Variants in SEC16B observed in about 807,000 individuals in gnomAD.
SEC16B encodes the protein SEC16 homolog B, endoplasmic reticulum export factor.
A neutral mutation model predicts 141.8 loss-of-function variants in SEC16B; 115 were observed. The ratio of observed to expected loss-of-function variants is 0.81; its 90% CI spans 0.70 to 0.95. SEC16B has a LOEUF of 0.95. Among genes scored for constraint, SEC16B ranks in the 40% least tolerant of loss-of-function variants. The probability of loss-of-function intolerance (pLI) is 0.00; values close to 1 mark genes in which losing one functional copy is unlikely to be tolerated. For synonymous variants in SEC16B, 493 were observed against 492.5 expected (o/e 1.00, Z -0.01); for missense variants, 1,291 against 1,312.3 (o/e 0.98, Z 0.25).
chr1:177,936,319 T>A lies in SEC16B; in HGVS notation c.2550A>T (p.Gln850His), dbSNP rs201035635. The change falls in exon 20 of 26, where the codon CAA becomes CAT. Residue 850 changes from glutamine to histidine, a missense_variant. Physicochemically the swap from Gln to His is conservative, Grantham distance 24 (BLOSUM62 0). Transcript: ENST00000308284. ...SQETSQPPDG[Q>H]EVISKPQTPL... ...TCACCTGTGGTTTGGAAATGACCTC[T>A]TGGCCATCAGGAGGCTGGGAAGTTT... 2 of 1,611,060 alleles carry A rather than the reference T, an allele frequency of 1.2e-6. No homozygotes were observed. The highest frequency in any genetic ancestry group is 1.7e-6 in the Non-Finnish European group (2 of 1,178,772).
At chr1:177,944,059 C>T (rs1380041145) in intron 15 of SEC16B, among the ~76,000 whole-genome samples, 2 of 152,202 alleles carry the variant, frequency 1.3e-5, no homozygotes, top group Non-Finnish European at 2.9e-5. Context: ...ATGGACACCA[C>T]CCACACAGCT....
At chr1:177,959,603 A>C (rs1201526668) in intron 8 of SEC16B, 1 of 158,708 alleles carries the variant, frequency 6.3e-6, no homozygotes, top group Non-Finnish European at 1.4e-5. Context: ...CCATTTGAGG[A>C]ATACATTTAT....
chr1:177,956,460 C>T (rs538760948), intron 10 of SEC16B, among the ~76,000 whole-genome samples: 1 of 151,948 alleles, frequency 6.6e-6, no homozygotes, highest in Non-Finnish European at 1.5e-5. Flanking sequence ...GAGAAAATAA[C>T]AATATATGCA....
Position 177,965,070 on chromosome 1 carries a change from T to C in SEC16B, c.510A>G (p.Gly170=), listed in dbSNP as rs751823606. The change falls in exon 4 of 26, where the codon GGA becomes GGG. Residue 170 remains glycine, a synonymous_variant. Coordinates refer to ENST00000308284, the MANE Select transcript of SEC16B (RefSeq NM_033127.4). ...HHYENQHSPF[G]TNSETHFQSN... is the part of the protein sequence containing the mutation. ...ACTGGAAGTGGGTCTCACTATTTGT[T>C]CCAAATGGACTGTGCTGGTTTTCAT... 5 of 1,613,554 alleles carry C rather than the reference T, an allele frequency of 3.1e-6. No homozygotes were observed. The highest frequency in any genetic ancestry group is 4.2e-6 in the Non-Finnish European group (5 of 1,179,742).
At chr1:177,961,527 G>C (rs569696728) in intron 6 of SEC16B, 63 bp downstream of exon 6, 1 of 1,535,654 alleles carries the variant, frequency 6.5e-7, no homozygotes, top group East Asian at 2.3e-5. Flanking sequence ...CTTTCCCAGA[G>C]ACTTGCCACC....
chr1:177,980,683 T>G (rs1654367994), intron 1 of SEC16B, among the ~76,000 whole-genome samples: 1 of 149,954 alleles, frequency 6.7e-6, no homozygotes, highest in South Asian at 2.1e-4. Context: ...TAATAAGTGC[T>G]GGGAGAGGAT....
At position 177,967,849 on chromosome 1, in the gene SEC16B, T is replaced by C; in HGVS notation, c.133A>G (p.Arg45Gly). The C allele has an allele frequency of 6.2e-7, 1 of 1,613,992 alleles. No individual in the cohort carries two copies. Among genetic ancestry groups the C allele is most frequent in the Admixed American group, 1.7e-5 (1 of 60,028 alleles). Residue 45 changes from arginine (R) to glycine (G), a missense_variant, in exon 2 of 26, where the codon AGG (arginine) becomes GGG (glycine). Physicochemically the swap from Arg to Gly is moderately radical, Grantham distance 125. Around this residue, in one of 3 missense-constraint regions of SEC16B, gnomAD observed 681 missense variants for 675.5 expected, o/e 1.01. Transcript: ENST00000308284. ...PVPHSWHNGE[R>G]FHQWQDNRGS... ...CGGTTGTCTTGCCATTGGTGAAACC[T>C]CTCTCCATTGTGCCAAGAGTGAGGG...
chr1:177,980,084 T>C (rs12049372), intron 1 of SEC16B, among the ~76,000 whole-genome samples: 20,982 of 152,196 alleles, frequency 0.14, 1,795 homozygotes, highest in East Asian at 0.42. Context: ...AGATTCTTTG[T>C]ATGCAACACT....
intron 20 of SEC16B, 69 bp downstream of exon 20, chr1:177,936,229 C>A: frequency 7.5e-7 from 1 of 1,327,546 alleles, no homozygotes; most frequent in Non-Finnish European, 1.1e-6. Flanking sequence ...GGCTGGGAAA[C>A]CAAGGCAACT....
intron 13 of SEC16B, among the ~76,000 whole-genome samples, chr1:177,946,876 A>C (rs1051129979): frequency 1.3e-5 from 2 of 152,342 alleles, no homozygotes; most frequent in South Asian, 2.1e-4. Flanking sequence ...GCAAAGAAGG[A>C]GACTACTGAG....
intron 20 of SEC16B, among the ~76,000 whole-genome samples, chr1:177,935,236 C>T (rs1032811532): frequency 6.6e-6 from 1 of 152,106 alleles, no homozygotes; most frequent in African/African-American, 2.4e-5. Flanking sequence ...TAGACTTGAG[C>T]GCCTGAGGTT....
chr1:177,955,035 C>T (rs1021551103), intron 10 of SEC16B, among the ~76,000 whole-genome samples: 2 of 151,980 alleles, frequency 1.3e-5, no homozygotes, highest in African/African-American at 4.8e-5. Context: ...CAATTTTGCA[C>T]AGAAAGCCCT....
chr1:177,940,966 G>A (rs986075937), intron 16 of SEC16B, among the ~76,000 whole-genome samples: 4 of 152,144 alleles, frequency 2.6e-5, no homozygotes, highest in East Asian at 1.9e-4. Context: ...AGGAGAAACA[G>A]TTACTCAGCT....
intron 18 of SEC16B, 95 bp from the exon 19 acceptor site, chr1:177,937,608 G>A (rs1389163075): frequency 1.7e-6 from 2 of 1,144,320 alleles, no homozygotes; most frequent in African/African-American, 1.6e-5. Context: ...GTCTTCTTTG[G>A]AAAGCAGTCA....
Position 177,933,254 on chromosome 1 carries a change from G to C in SEC16B, c.2783C>G (p.Pro928Arg). ...GTCTGAGGAGTCCTCGTCTCCAGCG[G>C]GGGATGCGTTCTTGGTGGGCTTCGA... ...FRSKPTKNAS[P>R]AGDEDSSDSP... The change falls in exon 22 of 26, where the codon CCC becomes CGC. Residue 928 changes from proline to arginine, a missense_variant. Coordinates refer to ENST00000308284, the MANE Select transcript of SEC16B (RefSeq NM_033127.4). 1 of 1,598,932 alleles carries C rather than the reference G, an allele frequency of 6.3e-7. No homozygotes were observed. The highest frequency in any genetic ancestry group is 8.5e-7 in the Non-Finnish European group (1 of 1,172,782).
intron 20 of SEC16B, 50 bp downstream of exon 20, chr1:177,936,248 C>T: frequency 6.7e-7 from 1 of 1,500,152 alleles, no homozygotes; most frequent in Non-Finnish European, 9.2e-7. Flanking sequence ...CTGGTAAAAA[C>T]CAGAAGCATT....
chr1:177,960,912 G>C lies in SEC16B; in HGVS notation c.815C>G (p.Pro272Arg). The change falls in exon 7 of 26, where the codon CCC becomes CGC. Residue 272 changes from proline to arginine, a missense_variant. Pro to Arg is a moderately radical substitution (Grantham distance 103, BLOSUM62 -2). Coordinates refer to ENST00000308284, the MANE Select transcript of SEC16B (RefSeq NM_033127.4). ...ADVSSAGPKA[P>R]MKFYIPHVPV... is the part of the protein sequence containing the mutation. ...AACATGAGGGATGTAGAACTTCATGGGTGCTTTGGGACCAGCTGAGGAGAC... is the reference window on the plus strand; with the variant it reads ...AACATGAGGGATGTAGAACTTCATGCGTGCTTTGGGACCAGCTGAGGAGAC... 6.2e-7 allele frequency: 1 copy of C among 1,613,924 alleles called. No individual in the cohort carries two copies. The highest frequency in any genetic ancestry group is 8.5e-7 in the Non-Finnish European group (1 of 1,179,842).
At chr1:177,946,616 A>G in intron 13 of SEC16B, 85 bp from the exon 14 acceptor site, 1 of 1,028,918 alleles carries the variant, frequency 9.7e-7, no homozygotes, top group South Asian at 1.5e-5. Flanking sequence ...GACAGATGGA[A>G]GAGTGGCCTC....
At chr1:177,944,403 TA>T (rs1651512629) in intron 15 of SEC16B, among the ~76,000 whole-genome samples, 157 bp downstream of exon 15, 1 of 152,070 alleles carries the variant, frequency 6.6e-6, no homozygotes, top group Non-Finnish European at 1.5e-5. Flanking sequence ...TTAGGGGACA[TA>T]AAAAGAAATC....
Sources: allele counts gnomAD v4.1 joint callset (sites outside exome capture counted in the v4.1 genomes callset), GRCh38; gene constraint gnomAD v4.1.1; regional missense constraint gnomAD v4.1.1; transcripts MANE v1.5; gene names NCBI Gene and HGNC (gene_info 2026-07-23, HGNC 2026-07-21).